Variants in EYS observed in about 807,000 individuals in gnomAD.
EYS encodes protein eyes shut homolog.
In EYS, 250 loss-of-function variants were observed where a neutral mutation model predicts 282.1. That is an observed-to-expected ratio of 0.89 (90% confidence interval 0.80 to 0.98). EYS has a LOEUF of 0.98. EYS is among the 50% of genes least tolerant of loss of function. The pLI is 0.00. For synonymous variants in EYS, 1,355 were observed against 1,282.9 expected (o/e 1.06, Z -1.20); for missense variants, 4,016 against 3,709.0 (o/e 1.08, Z -2.15).
chr6:64,117,312 TAGAA>T (rs1438885245), intron 31 of EYS, among the ~76,000 whole-genome samples: 1 of 137,280 alleles, frequency 7.3e-6, no homozygotes, highest in Non-Finnish European at 1.5e-5. Context: ...CTCAAGGAAC[TAGAA>T]AGAGAGGAAC....
At chr6:63,763,943 G>GC (rs1179875809) in intron 40 of EYS, among the ~76,000 whole-genome samples, 1 of 137,940 alleles carries the variant, frequency 7.2e-6, no homozygotes, top group East Asian at 2.1e-4. Flanking sequence ...TGTTTATTTT[G>GC]CCCCCTCCGG....
At chr6:64,589,293 C>T (rs1320963323) in intron 26 of EYS, among the ~76,000 whole-genome samples, 5 of 151,880 alleles carry the variant, frequency 3.3e-5, no homozygotes, top group Non-Finnish European at 2.9e-5. Flanking sequence ...GAATTTTCAG[C>T]CATAAATTAC....
chr6:65,378,578 T>C (rs957794651), intron 8 of EYS, among the ~76,000 whole-genome samples: 2 of 152,118 alleles, frequency 1.3e-5, no homozygotes, highest in African/African-American at 4.8e-5. Context: ...TAAAGACACA[T>C]GCACACAAAA....
At chr6:64,909,957 G>A (rs1767942372) in intron 16 of EYS, among the ~76,000 whole-genome samples, 1 of 152,090 alleles carries the variant, frequency 6.6e-6, no homozygotes, top group Non-Finnish European at 1.5e-5. Context: ...TACTCTGGCT[G>A]AAATTTTACC....
chr6:65,191,398 CACAGTA>C (rs1283513770), intron 12 of EYS, among the ~76,000 whole-genome samples: 1 of 151,650 alleles, frequency 6.6e-6, no homozygotes, highest in Non-Finnish European at 1.5e-5. Context: ...TATTTTAGAC[CACAGTA>C]ACAGCCACTC....
intron 13 of EYS, among the ~76,000 whole-genome samples, chr6:65,006,620 C>T (rs1390256833): frequency 6.6e-6 from 1 of 151,824 alleles, no homozygotes; most frequent in Non-Finnish European, 1.5e-5. Flanking sequence ...TTCCCTTAAC[C>T]CAGCAGATTT....
intron 39 of EYS, among the ~76,000 whole-genome samples, chr6:63,780,179 G>T (rs1252645097): frequency 6.6e-6 from 1 of 152,152 alleles, no homozygotes; most frequent in African/African-American, 2.4e-5. Context: ...CCAAGTCTTT[G>T]CTATTGTGAA....
chr6:65,221,468 C>T (rs565552043), intron 12 of EYS, among the ~76,000 whole-genome samples: 1 of 152,288 alleles, frequency 6.6e-6, no homozygotes, highest in South Asian at 2.1e-4. Context: ...AGCTGCAAGC[C>T]TTAGAGGCTT....
chr6:64,746,908 A>G (rs1772574801), intron 22 of EYS, among the ~76,000 whole-genome samples: 1 of 152,230 alleles, frequency 6.6e-6, no homozygotes, highest in South Asian at 2.1e-4. Flanking sequence ...GCTATGGCTG[A>G]TTAATTCTGC....
In EYS at chr6:65,512,206, T is replaced by C. The variant is rs28475305; in HGVS notation, c.-332-16213A>G. On this transcript the variant is annotated intron_variant, in intron 2 of 42. Transcript: ENST00000503581. ...AGATCCTCTTAGTATAAAAATTACATTGTAGGCCGGGCACGGTGGCTCATG... is the reference window on the plus strand; with the variant it reads ...AGATCCTCTTAGTATAAAAATTACACTGTAGGCCGGGCACGGTGGCTCATG... Among the ~76,000 whole-genome samples, 333 of 152,098 alleles carry C rather than the reference T, an allele frequency of 2.2e-3. 1 individual carries two copies. Among genetic ancestry groups the C allele is most frequent in the African/African-American group, 7.7e-3 (320 of 41,528 alleles).
chr6:64,085,473 G>A (rs760811632), intron 31 of EYS, among the ~76,000 whole-genome samples: 15 of 152,002 alleles, frequency 9.9e-5, no homozygotes, highest in Non-Finnish European at 2.1e-4. Flanking sequence ...TGTCAGGTAC[G>A]GTGGGTGGAA....
At chr6:65,467,452 G>A (rs1765043842) in intron 5 of EYS, among the ~76,000 whole-genome samples, 1 of 151,272 alleles carries the variant, frequency 6.6e-6, no homozygotes, top group Non-Finnish European at 1.5e-5. Flanking sequence ...AAAAAAATCA[G>A]AAATAAGATA....
At chr6:64,273,658 C>A (rs2150358375) in intron 30 of EYS, among the ~76,000 whole-genome samples, 1 of 152,152 alleles carries the variant, frequency 6.6e-6, no homozygotes, top group African/African-American at 2.4e-5. Flanking sequence ...TACTAATAGT[C>A]TCACAGATAC....
chr6:64,266,017 A>G (rs1467941223), intron 30 of EYS, among the ~76,000 whole-genome samples: 1 of 152,238 alleles, frequency 6.6e-6, no homozygotes. Context: ...GTTTTTTCAA[A>G]TAAAAATTGA....
At chr6:64,177,426 G>T (rs1764669093) in intron 31 of EYS, among the ~76,000 whole-genome samples, 1 of 151,632 alleles carries the variant, frequency 6.6e-6, no homozygotes, top group Non-Finnish European at 1.5e-5. Flanking sequence ...CTATTGTAAA[G>T]CTAATCAGTG....
chr6:65,517,607 C>A (rs1210681922), intron 2 of EYS, among the ~76,000 whole-genome samples: 3 of 151,972 alleles, frequency 2.0e-5, no homozygotes, highest in Admixed American at 6.6e-5. Flanking sequence ...TTTTTATCAA[C>A]TTATCTGTGC....
At chr6:65,534,640 T>C (rs1390773540) in intron 2 of EYS, among the ~76,000 whole-genome samples, 1 of 152,118 alleles carries the variant, frequency 6.6e-6, no homozygotes, top group Non-Finnish European at 1.5e-5. Flanking sequence ...AAGTCAAATA[T>C]GCACACATAA....
chr6:64,835,017 A>G (rs1315145696), intron 19 of EYS, among the ~76,000 whole-genome samples: 1 of 151,772 alleles, frequency 6.6e-6, no homozygotes, highest in Non-Finnish European at 1.5e-5. Flanking sequence ...TGCAGAAATA[A>G]AAGGAGTTTA....
chr6:64,869,226 G>C (rs1766516879), intron 19 of EYS, among the ~76,000 whole-genome samples: 2 of 151,460 alleles, frequency 1.3e-5, no homozygotes, highest in Non-Finnish European at 3.0e-5. Flanking sequence ...ATGAACATTT[G>C]TTCAGACTAT....
Sources: gnomAD v4.1 joint callset for allele counts (sites outside exome capture counted in the v4.1 genomes callset) on GRCh38, gnomAD v4.1.1 for gene constraint, MANE v1.5 for transcripts, NCBI Gene and HGNC (gene_info 2026-07-23, HGNC 2026-07-21) for gene names.